ANKS1B: variants seen among roughly 807,000 people sequenced by gnomAD.
ANKS1B encodes ankyrin repeat and sterile alpha motif domain containing 1B, also known as ankyrin repeat and sterile alpha motif domain-containing protein 1B.
Under a neutral mutation model 148.3 loss-of-function variants are expected in ANKS1B, and 36 were observed. The ratio of observed to expected loss-of-function variants is 0.24; its 90% CI spans 0.19 to 0.32. The LOEUF (loss-of-function observed/expected upper bound fraction) is 0.32, where lower values mean the gene tolerates loss of function less well. ANKS1B is among the 10% of genes least tolerant of loss of function. The pLI, the probability that ANKS1B is intolerant of heterozygous loss-of-function variation, is 1.00. For missense variants in ANKS1B, 1,157 were observed against 1,542.6 expected (o/e 0.75, Z 4.19); for synonymous variants, 542 against 560.8 (o/e 0.97, Z 0.47).
chr12:99,929,228 A>G (rs2094550214), intron 1 of ANKS1B, among the ~76,000 whole-genome samples: 1 of 152,182 alleles, frequency 6.6e-6, no homozygotes, highest in African/African-American at 2.4e-5. Context: ...TTCACACAAT[A>G]ACCACTCAGT....
intron 8 of ANKS1B, among the ~76,000 whole-genome samples, chr12:99,721,813 G>A (rs1047238250): frequency 2.0e-5 from 3 of 152,202 alleles, no homozygotes; most frequent in African/African-American, 7.2e-5. Context: ...GTTAGTAAAT[G>A]CATTATGTAA....
intron 17 of ANKS1B, among the ~76,000 whole-genome samples, chr12:99,011,089 C>A (rs926057981): frequency 1.3e-5 from 2 of 151,958 alleles, no homozygotes; most frequent in East Asian, 3.9e-4. Context: ...ATCTTCCTGA[C>A]TCAATGCTCA....
intron 17 of ANKS1B, among the ~76,000 whole-genome samples, chr12:98,969,915 A>G (rs1446219565): frequency 5.3e-5 from 8 of 152,224 alleles, no homozygotes; most frequent in Non-Finnish European, 1.2e-4. Flanking sequence ...GATTTTGGGA[A>G]AGAACATGAG....
In ANKS1B at chr12:98,804,419, A is replaced by ATT. The variant is rs34963949; in HGVS notation, c.3142-3296_3142-3295dup. 5.1e-3 allele frequency among the ~76,000 whole-genome samples: 736 copies of ATT among 145,216 alleles called. 6 individuals are homozygous for ATT. The highest frequency in any genetic ancestry group is 6.7e-3 in the Non-Finnish European group (443 of 66,108). ...TCAACTTCTCTCCCCACCCCTGCCT[A>ATT]TTTTTTTTTTTTTTAAACTTAGATC... On this transcript the variant is annotated intron_variant, in intron 20 of 26. Transcript: ENST00000683438.
chr12:98,888,344 T>G (rs1596312311), intron 17 of ANKS1B, among the ~76,000 whole-genome samples: 1 of 152,196 alleles, frequency 6.6e-6, no homozygotes, highest in African/African-American at 2.4e-5. Context: ...TTTTTCTTCT[T>G]CCAGCCAAGT....
chr12:99,887,593 C>T (rs1014602835), intron 1 of ANKS1B, among the ~76,000 whole-genome samples: 8 of 152,160 alleles, frequency 5.3e-5, no homozygotes, highest in Non-Finnish European at 1.0e-4. Flanking sequence ...CTACCATATA[C>T]ACACAGAGTG....
intron 9 of ANKS1B, among the ~76,000 whole-genome samples, chr12:99,597,978 T>TA (rs1446325464): frequency 6.6e-6 from 1 of 151,988 alleles, no homozygotes; most frequent in Non-Finnish European, 1.5e-5. Context: ...CTGAACCCAG[T>TA]AAAAACTGAA....
chr12:99,706,782 A>G (rs1222987606), intron 8 of ANKS1B, among the ~76,000 whole-genome samples: 1 of 152,100 alleles, frequency 6.6e-6, no homozygotes, highest in Non-Finnish European at 1.5e-5. Context: ...GCCATGTGGT[A>G]AGGAACTAAG....
At chr12:99,913,703 C>T (rs1054084205) in intron 1 of ANKS1B, among the ~76,000 whole-genome samples, 8 of 151,548 alleles carry the variant, frequency 5.3e-5, no homozygotes, top group South Asian at 4.2e-4. Context: ...ATGGGAGTAA[C>T]GCAATTAAGA....
chr12:99,249,887 G>A (rs1247749935), intron 12 of ANKS1B, among the ~76,000 whole-genome samples: 1 of 152,266 alleles, frequency 6.6e-6, no homozygotes, highest in East Asian at 1.9e-4. Context: ...AGGCTGGCCT[G>A]CTGGATGATG....
At chr12:99,306,989 A>C (rs1290503247) in intron 12 of ANKS1B, among the ~76,000 whole-genome samples, 1 of 152,084 alleles carries the variant, frequency 6.6e-6, no homozygotes, top group Non-Finnish European at 1.5e-5. Flanking sequence ...TGTAGCATCC[A>C]CAACTTTGGA....
intron 1 of ANKS1B, among the ~76,000 whole-genome samples, chr12:99,921,475 T>C (rs1417955879): frequency 2.6e-5 from 4 of 152,110 alleles, no homozygotes; most frequent in African/African-American, 7.2e-5. Context: ...TGGATTAATA[T>C]ACCAGGCAAC....
chr12:98,911,259 C>T (rs2099786469), intron 17 of ANKS1B, among the ~76,000 whole-genome samples: 1 of 152,106 alleles, frequency 6.6e-6, no homozygotes, highest in African/African-American at 2.4e-5. Flanking sequence ...GCTGTCATTG[C>T]ATTTGTAGAA....
At chr12:99,781,999 C>G (rs1312343149) in intron 5 of ANKS1B, 23 bp downstream of exon 5, 1 of 1,569,942 alleles carries the variant, frequency 6.4e-7, no homozygotes, top group Non-Finnish European at 8.7e-7. Context: ...AGGATAAGCT[C>G]CATGCAGAAT....
intron 1 of ANKS1B, among the ~76,000 whole-genome samples, chr12:99,968,426 C>T (rs972318111): frequency 1.9e-4 from 29 of 152,066 alleles, no homozygotes; most frequent in Admixed American, 1.5e-3. Flanking sequence ...GGTGTGGTGG[C>T]GGGCGCCTGT....
chr12:98,870,638 G>A (rs750629672), intron 17 of ANKS1B, among the ~76,000 whole-genome samples: 4 of 152,170 alleles, frequency 2.6e-5, no homozygotes, highest in East Asian at 1.9e-4. Context: ...AACTGGTAAC[G>A]AGGTGGTGAC....
chr12:99,613,842 A>C (rs1365606680), intron 9 of ANKS1B, among the ~76,000 whole-genome samples: 1 of 152,000 alleles, frequency 6.6e-6, no homozygotes, highest in Non-Finnish European at 1.5e-5. Flanking sequence ...CATCCTGTAC[A>C]TGCACCCCTA....
intron 14 of ANKS1B, among the ~76,000 whole-genome samples, chr12:99,206,029 G>A (rs1318402406): frequency 6.6e-6 from 1 of 152,158 alleles, no homozygotes; most frequent in Non-Finnish European, 1.5e-5. Flanking sequence ...GCACTTGAGA[G>A]CTATTAGAGC....
intron 9 of ANKS1B, among the ~76,000 whole-genome samples, chr12:99,528,432 C>CAAAAAAAAAAAAAAA (rs537716638): frequency 7.2e-5 from 7 of 96,684 alleles, no homozygotes; most frequent in African/African-American, 2.4e-4. Flanking sequence ...AAAACAAAAA[C>CAAAAAAAAAAAAAAA]AAAAAAAAAA....
Sources: allele counts gnomAD v4.1 joint callset (sites outside exome capture counted in the v4.1 genomes callset), GRCh38; gene constraint gnomAD v4.1.1; transcripts MANE v1.5; gene names NCBI Gene and HGNC (gene_info 2026-07-23, HGNC 2026-07-21).